The following DLG2 variants were observed in gnomAD, a reference collection of about 807,000 sequenced individuals.
The protein encoded by DLG2 is discs large MAGUK scaffold protein 2.
In DLG2, 45 loss-of-function variants were observed where a neutral mutation model predicts 132.5. That is an observed-to-expected ratio of 0.34 (90% CI 0.27 to 0.44). The LOEUF (loss-of-function observed/expected upper bound fraction) is 0.44. Among genes scored for constraint, DLG2 ranks in the 20% least tolerant of loss-of-function variants. DLG2 has a pLI of 1.00. For missense variants in DLG2, 1,045 were observed against 1,196.9 expected, an observed-to-expected ratio of 0.87 and a Z score of 1.87; for synonymous variants, 424 against 419.6, an observed-to-expected ratio of 1.01 and a Z score of -0.13.
chr11:84,766,274 A>C (rs2068401158), intron 6 of DLG2, among the ~76,000 whole-genome samples: 1 of 151,974 alleles, frequency 6.6e-6, no homozygotes, highest in African/African-American at 2.4e-5. Flanking sequence ...TTCCCTTTCC[A>C]TCCAAGGTGC....
intron 9 of DLG2, 99 bp from the exon 10 acceptor site, chr11:84,099,146 C>A: frequency 1.9e-6 from 2 of 1,069,868 alleles, no homozygotes; most frequent in Non-Finnish European, 2.8e-6. Flanking sequence ...AAATGGAAAT[C>A]AGGTGACAAC....
intron 7 of DLG2, among the ~76,000 whole-genome samples, chr11:84,385,836 C>A (rs117214057): frequency 6.6e-6 from 1 of 152,032 alleles, no homozygotes; most frequent in African/African-American, 2.4e-5. Context: ...CCTGTATGCA[C>A]GCATAATTTT....
chr11:85,463,700 G>T (rs544300440), intron 3 of DLG2, among the ~76,000 whole-genome samples: 74 of 152,244 alleles, frequency 4.9e-4, no homozygotes, highest in African/African-American at 1.7e-3. Flanking sequence ...GAGCCCAGGA[G>T]TTCAAGGCTG....
intron 4 of DLG2, among the ~76,000 whole-genome samples, chr11:85,201,595 T>G (rs534074718): frequency 4.7e-4 from 71 of 152,336 alleles, no homozygotes; most frequent in African/African-American, 1.7e-3. Context: ...ATAGTCAGTC[T>G]TCTTAGAGTC....
At chr11:84,585,859 G>T (rs554968147) in intron 6 of DLG2, among the ~76,000 whole-genome samples, 1 of 152,142 alleles carries the variant, frequency 6.6e-6, no homozygotes, top group South Asian at 2.1e-4. Flanking sequence ...ACATTAAAAC[G>T]TATCTTATAG....
chr11:84,602,392 C>A, intron 6 of DLG2, among the ~76,000 whole-genome samples: 1 of 151,590 alleles, frequency 6.6e-6, no homozygotes, highest in East Asian at 1.9e-4. Flanking sequence ...AACAGAAAGA[C>A]ATAAAGTAAT....
At chr11:85,506,442 C>T (rs1187186698) in intron 3 of DLG2, among the ~76,000 whole-genome samples, 2 of 152,184 alleles carry the variant, frequency 1.3e-5, no homozygotes, top group Non-Finnish European at 2.9e-5. Context: ...TTTCAAAGGA[C>T]ATCTTTATTT....
chr11:84,638,924 T>C (rs1273647788), intron 6 of DLG2, among the ~76,000 whole-genome samples: 2 of 152,174 alleles, frequency 1.3e-5, no homozygotes, highest in Admixed American at 6.6e-5. Context: ...ATATTTACAT[T>C]GAAACACTGA....
rs776845093 is a variant in DLG2 at position 83,459,929 on chromosome 11, A to G, written c.2822-5T>C. 7 of 1,415,962 alleles carry G rather than the reference A, an allele frequency of 4.9e-6. No homozygotes were observed. Among genetic ancestry groups the G allele is most frequent in the Non-Finnish European group, 7.0e-6 (7 of 1,003,870 alleles). The allele number at this position is 1,415,962 out of a possible 1,614,324, so 87.7% of individuals were successfully genotyped here. A position where few individuals can be genotyped will look rare whatever the true frequency, so the allele number is the denominator to read the frequency against. The stretch of plus-strand genomic sequence containing the variant: ...AAGTATCTCCTTGGACAATAGCTGT[A>G]ACAAAAGCAAACACACCCAGAATTA... On this transcript the variant is annotated splice_region_variant and splice_polypyrimidine_tract_variant and intron_variant, in intron 27 of 27. Coordinates refer to ENST00000376104, the MANE Select transcript of DLG2 (RefSeq NM_001142699.3).
intron 6 of DLG2, among the ~76,000 whole-genome samples, chr11:84,751,148 C>T (rs1334504128): frequency 6.6e-6 from 1 of 151,928 alleles, no homozygotes. Context: ...AAAATTGCAT[C>T]CTGGAGGGAA....
chr11:84,550,034 G>A (rs771165585), intron 6 of DLG2, among the ~76,000 whole-genome samples: 3 of 151,722 alleles, frequency 2.0e-5, no homozygotes, highest in Non-Finnish European at 2.9e-5. Flanking sequence ...GGGATTACAG[G>A]CATGAGTCAC....
At chr11:84,927,704 A>G (rs941378959) in intron 6 of DLG2, among the ~76,000 whole-genome samples, 1 of 151,982 alleles carries the variant, frequency 6.6e-6, no homozygotes, top group Non-Finnish European at 1.5e-5. Context: ...AATTTCATAT[A>G]ATGTTCACAT....
intron 17 of DLG2, among the ~76,000 whole-genome samples, chr11:83,821,547 G>A (rs118166275): frequency 0.028 from 4,314 of 152,220 alleles, 89 homozygotes; most frequent in Middle Eastern, 0.082. Flanking sequence ...TAAGCTATCA[G>A]CCCCTGAAGG....
At chr11:84,585,405 T>C (rs2099527296) in intron 6 of DLG2, among the ~76,000 whole-genome samples, 1 of 152,172 alleles carries the variant, frequency 6.6e-6, no homozygotes, top group Non-Finnish European at 1.5e-5. Flanking sequence ...CACACTGTCA[T>C]CAGAATTGTT....
intron 16 of DLG2, among the ~76,000 whole-genome samples, chr11:83,844,831 G>A (rs1422059095): frequency 6.6e-6 from 1 of 152,084 alleles, no homozygotes; most frequent in Non-Finnish European, 1.5e-5. Context: ...CTAGCTCAAT[G>A]ACAGTAGTCA....
intron 16 of DLG2, among the ~76,000 whole-genome samples, chr11:83,837,638 G>C (rs1297666893): frequency 1.6e-5 from 2 of 127,578 alleles, no homozygotes; most frequent in Non-Finnish European, 3.1e-5. Context: ...AAGGGAGCAG[G>C]TTTTACTTGG....
intron 3 of DLG2, among the ~76,000 whole-genome samples, chr11:85,518,099 C>G (rs1225907198): frequency 6.6e-6 from 1 of 152,124 alleles, no homozygotes; most frequent in Non-Finnish European, 1.5e-5. Context: ...TCTTTATCAG[C>G]AGCATGAAAA....
intron 6 of DLG2, among the ~76,000 whole-genome samples, chr11:85,048,103 C>A (rs184321967): frequency 2.6e-4 from 40 of 151,696 alleles, no homozygotes; most frequent in African/African-American, 9.7e-4. Context: ...AGAGCAATAC[C>A]TTTTTTTGAC....
At chr11:85,358,823 T>C (rs2083932356) in intron 3 of DLG2, among the ~76,000 whole-genome samples, 1 of 152,226 alleles carries the variant, frequency 6.6e-6, no homozygotes, top group African/African-American at 2.4e-5. Context: ...TACCCTTCTC[T>C]TTATAAGACA....
Sources: allele counts gnomAD v4.1 joint callset (sites outside exome capture counted in the v4.1 genomes callset), GRCh38; gene constraint gnomAD v4.1.1; transcripts MANE v1.5; gene names NCBI Gene and HGNC (gene_info 2026-07-23, HGNC 2026-07-21).